RBM33: variants seen among roughly 807,000 people sequenced by gnomAD.
RBM33 encodes RNA-binding protein 33.
RBM33 carries 28 observed loss-of-function variants against 132.6 expected under a neutral mutation model. The ratio of observed to expected loss-of-function variants is 0.21; its 90% CI spans 0.16 to 0.29. The LOEUF (loss-of-function observed/expected upper bound fraction) is 0.29. RBM33 is among the 10% of genes least tolerant of loss of function. RBM33 has a pLI of 1.00. For synonymous variants in RBM33, 634 were observed against 593.0 expected, an observed-to-expected ratio of 1.07 and a Z score of -1.01; for missense variants, 1,291 against 1,518.5, an observed-to-expected ratio of 0.85 and a Z score of 2.49.
intron 5 of RBM33, among the ~76,000 whole-genome samples, chr7:155,697,746 C>T (rs1799837234): frequency 1.3e-5 from 2 of 151,962 alleles, no homozygotes; most frequent in Admixed American, 6.6e-5. Context: ...AGTATTTTTC[C>T]CTCTTTGCTT....
intron 14 of RBM33, among the ~76,000 whole-genome samples, chr7:155,749,473 A>C (rs995938243): frequency 6.6e-6 from 1 of 152,162 alleles, no homozygotes; most frequent in Non-Finnish European, 1.5e-5. Flanking sequence ...ACCCTTGTCT[A>C]TGATAGTTGT....
At chr7:155,718,306 A>G (rs1401547553) in intron 8 of RBM33, 79 bp from the exon 9 acceptor site, 1 of 1,098,306 alleles carries the variant, frequency 9.1e-7, no homozygotes, top group African/African-American at 1.5e-5. Flanking sequence ...TATATTTTAT[A>G]TTAAACTTCA....
At chr7:155,671,559 C>T (rs1053035665) in intron 2 of RBM33, among the ~76,000 whole-genome samples, 9 of 152,206 alleles carry the variant, frequency 5.9e-5, no homozygotes, top group East Asian at 1.9e-4. Context: ...TATGCATTCC[C>T]GGAGATTATA....
chr7:155,737,245 C>CGTGTGT (rs1554481863), intron 9 of RBM33, among the ~76,000 whole-genome samples: 2,571 of 149,234 alleles, frequency 0.017, 68 homozygotes, highest in African/African-American at 0.058. Flanking sequence ...TCTAGGTGCG[C>CGTGTGT]GTGTGTGTGT....
At chr7:155,756,576 C>T (rs1008356393) in intron 14 of RBM33, among the ~76,000 whole-genome samples, 2 of 152,082 alleles carry the variant, frequency 1.3e-5, no homozygotes, top group Admixed American at 6.5e-5. Context: ...GAGTCTAGCG[C>T]GTTGCAGTTC....
chr7:155,678,546 G>GC, intron 3 of RBM33, 62 bp from the exon 4 acceptor site: 1 of 1,051,166 alleles, frequency 9.5e-7, no homozygotes. Context: ...GTAATTTTGT[G>GC]CTTTTTAACA....
chr7:155,715,143 A>G (rs991982592), intron 8 of RBM33, among the ~76,000 whole-genome samples: 1 of 152,082 alleles, frequency 6.6e-6, no homozygotes, highest in Non-Finnish European at 1.5e-5. Context: ...TGTGGTGCCT[A>G]CGTCTCCTGC....
At position 155,739,807 on chromosome 7, in the gene RBM33, GC is replaced by G; in HGVS notation, c.1835del (p.Pro612ArgfsTer38). ...CGCCACAGCACCAGCCTCCGCACCA[GC>G]CCCCGCACCAGCCCCCGCCCCAGCA... ...PPPQHQPPHQPPHQPPPQHQP... is the reference protein window; with the variant it reads ...PPPQHQPPHQXPHQPPPQHQP... On this transcript the variant is annotated frameshift_variant, in exon 12 of 18. Coordinates refer to ENST00000401878, the MANE Select transcript of RBM33 (RefSeq NM_053043.3). LOFTEE classifies it high-confidence loss of function. 7.2e-7 allele frequency: 1 copy of G among 1,388,304 alleles called. No individual in the cohort carries two copies. Among genetic ancestry groups the G allele is most frequent in the South Asian group, 1.3e-5 (1 of 76,076 alleles). 86.0% of individuals were successfully genotyped at this position (1,388,304 alleles called of 1,614,324 possible).
chr7:155,757,984 C>G (rs895671481), intron 14 of RBM33, among the ~76,000 whole-genome samples: 2 of 152,178 alleles, frequency 1.3e-5, no homozygotes, highest in African/African-American at 4.8e-5. Flanking sequence ...CATTCACAGT[C>G]ATCCGCCCCA....
chr7:155,769,933 G>C (rs1240240204), intron 16 of RBM33, among the ~76,000 whole-genome samples: 1 of 152,170 alleles, frequency 6.6e-6, no homozygotes, highest in African/African-American at 2.4e-5. Context: ...CTGAGAACAC[G>C]GTTGTTAATC....
At chr7:155,685,412 G>C (rs535680491) in intron 5 of RBM33, among the ~76,000 whole-genome samples, 44 of 152,298 alleles carry the variant, frequency 2.9e-4, no homozygotes, top group Non-Finnish European at 5.7e-4. Flanking sequence ...GTAATTAGGT[G>C]CATTTTTAGT....
At chr7:155,677,213 C>A (rs1799208523) in intron 3 of RBM33, among the ~76,000 whole-genome samples, 1 of 95,998 alleles carries the variant, frequency 1.0e-5, no homozygotes, top group Non-Finnish European at 2.1e-5. Context: ...ACTTCATTTT[C>A]TTTTTTTCTT....
chr7:155,764,372 A>G (rs1802144997), intron 15 of RBM33, among the ~76,000 whole-genome samples: 1 of 152,136 alleles, frequency 6.6e-6, no homozygotes, highest in South Asian at 2.1e-4. Flanking sequence ...CTCACCAGAA[A>G]TTTTACAAAT....
intron 9 of RBM33, among the ~76,000 whole-genome samples, chr7:155,724,073 A>T (rs1418968436): frequency 6.6e-6 from 1 of 151,626 alleles, no homozygotes; most frequent in Non-Finnish European, 1.5e-5. Context: ...AAGTCTTGGA[A>T]CTCCTCTGTG....
At chr7:155,655,104 C>T (rs1234790238) in intron 1 of RBM33, among the ~76,000 whole-genome samples, 1 of 152,204 alleles carries the variant, frequency 6.6e-6, no homozygotes, top group East Asian at 1.9e-4. Flanking sequence ...ATAATTAATT[C>T]TGTGTGAACA....
intron 14 of RBM33, among the ~76,000 whole-genome samples, chr7:155,748,327 A>G (rs1314350510): frequency 6.6e-6 from 1 of 152,200 alleles, no homozygotes; most frequent in African/African-American, 2.4e-5. Flanking sequence ...TATTCTTTGC[A>G]TTCAGCAGTC....
chr7:155,739,441 C>A, intron 11 of RBM33: 1 of 440,358 alleles, frequency 2.3e-6, no homozygotes. Context: ...CTACAGGGAA[C>A]ATGCTTTAGA....
chr7:155,662,525 C>G (rs866383914), intron 1 of RBM33, among the ~76,000 whole-genome samples: 7 of 152,102 alleles, frequency 4.6e-5, no homozygotes, highest in Admixed American at 2.6e-4. Context: ...CCCCGCCCCC[C>G]CCGCTCTGAG....
chr7:155,719,629 G>T (rs938332152), intron 9 of RBM33, among the ~76,000 whole-genome samples: 7 of 152,136 alleles, frequency 4.6e-5, no homozygotes, highest in African/African-American at 1.4e-4. Flanking sequence ...TGTCTAAAAA[G>T]TCAAGTTTTA....
Sources: gnomAD v4.1 joint callset for allele counts (sites outside exome capture counted in the v4.1 genomes callset) on GRCh38, gnomAD v4.1.1 for gene constraint, MANE v1.5 for transcripts, NCBI Gene and HGNC (gene_info 2026-07-23, HGNC 2026-07-21) for gene names.